The following GABPB1 variants were observed in gnomAD, a reference collection of about 807,000 sequenced individuals.
GABPB1 encodes the protein GA-binding protein subunit beta-1.
A neutral mutation model predicts 45.9 loss-of-function variants in GABPB1; 15 were observed. The observed-to-expected ratio is 0.33, with a 90% confidence interval of 0.22 to 0.50. GABPB1 has a LOEUF of 0.50. Among genes scored for constraint, GABPB1 ranks in the 20% least tolerant of loss-of-function variants. The pLI, the probability that GABPB1 is intolerant of heterozygous loss-of-function variation, is 0.98. For synonymous variants in GABPB1, 143 were observed against 154.4 expected, an observed-to-expected ratio of 0.93 and a Z score of 0.55; for missense variants, 252 against 457.5, an observed-to-expected ratio of 0.55 and a Z score of 4.10.
chr15:50,283,202 G>T (rs1316146626), intron 8 of GABPB1, among the ~76,000 whole-genome samples: 4 of 152,104 alleles, frequency 2.6e-5, no homozygotes, highest in African/African-American at 9.7e-5. Context: ...CATGTACAAA[G>T]ATTAATTTCA....
intron 8 of GABPB1, among the ~76,000 whole-genome samples, chr15:50,281,721 C>A (rs546854256): frequency 6.6e-6 from 1 of 152,298 alleles, no homozygotes; most frequent in South Asian, 2.1e-4. Context: ...AGTTGACAGA[C>A]TGTAGGGCCC....
intron 6 of GABPB1, among the ~76,000 whole-genome samples, chr15:50,294,971 G>A (rs2046464341): frequency 6.6e-6 from 1 of 151,932 alleles, no homozygotes; most frequent in South Asian, 2.1e-4. Context: ...GTACCACAAG[G>A]AAGAATAAAG....
chr15:50,296,613 C>T (rs188666984), intron 6 of GABPB1, among the ~76,000 whole-genome samples: 1 of 152,276 alleles, frequency 6.6e-6, no homozygotes, highest in Admixed American at 6.5e-5. Flanking sequence ...TACTTAATAG[C>T]CATATGCCCT....
chr15:50,281,369 GCTCA>G (rs2045966762), intron 8 of GABPB1, among the ~76,000 whole-genome samples: 1 of 136,940 alleles, frequency 7.3e-6, no homozygotes, highest in African/African-American at 2.4e-5. Flanking sequence ...ACGCCACCAT[GCTCA>G]GCTAATTTTT....
chr15:50,305,002 C>A (rs1424901662), intron 2 of GABPB1, among the ~76,000 whole-genome samples: 1 of 152,054 alleles, frequency 6.6e-6, no homozygotes, highest in African/African-American at 2.4e-5. Flanking sequence ...AAAACCAAAA[C>A]AGAGCCCAAT....
intron 1 of GABPB1, chr15:50,346,503 T>C (rs911657972): frequency 3.3e-5 from 5 of 151,742 alleles, no homozygotes; most frequent in Non-Finnish European, 7.4e-5. Flanking sequence ...ATCTAGTGCA[T>C]ACAGGAGTTA....
intron 6 of GABPB1, among the ~76,000 whole-genome samples, chr15:50,297,083 G>C (rs2046543627): frequency 1.3e-5 from 2 of 151,634 alleles, no homozygotes; most frequent in African/African-American, 2.4e-5. Flanking sequence ...GCTAATGTTT[G>C]TATTTTTAGT....
intron 2 of GABPB1, among the ~76,000 whole-genome samples, chr15:50,308,022 C>G (rs1213675617): frequency 6.6e-6 from 1 of 150,678 alleles, no homozygotes; most frequent in Non-Finnish European, 1.5e-5. Flanking sequence ...TTTTTCATAC[C>G]TTTCAGTTTA....
Position 50,300,647 on chromosome 15 carries a change from G to T in GABPB1, c.697+142C>A, listed in dbSNP as rs2046706622. 4 of 566,878 alleles carry T rather than the reference G, an allele frequency of 7.1e-6. No individual in the cohort carries two copies. In the South Asian group the frequency reaches 8.3e-5, roughly 12 times the overall value. The allele number at this position is 566,878 out of a possible 1,614,324, so 35.1% of individuals were successfully genotyped here. On this transcript the variant is annotated intron_variant, in intron 6 of 8. Coordinates refer to ENST00000380877, the MANE Select transcript of GABPB1 (RefSeq NM_016654.5). ...TTTAGTAGAAACAGAGTTTCACTAT[G>T]TTGTCCAGGCTGGTCTCAAACTCCT...
intron 1 of GABPB1, among the ~76,000 whole-genome samples, chr15:50,329,305 G>A (rs529683919): frequency 2.0e-5 from 3 of 152,162 alleles, no homozygotes; most frequent in African/African-American, 7.2e-5. Context: ...ATTAAGAAAT[G>A]TATATTATAA....
At chr15:50,345,546 T>C (rs1272313926) in intron 1 of GABPB1, among the ~76,000 whole-genome samples, 1 of 152,160 alleles carries the variant, frequency 6.6e-6, no homozygotes, top group East Asian at 1.9e-4. Context: ...GGCAACACAG[T>C]GAGACCCTGT....
chr15:50,340,303 C>T (rs879396510), intron 1 of GABPB1, among the ~76,000 whole-genome samples: 3 of 151,996 alleles, frequency 2.0e-5, no homozygotes, highest in Non-Finnish European at 4.4e-5. Context: ...GTTATAGTAC[C>T]CCAAATGGAC....
At chr15:50,310,861 C>G (rs930948657) in intron 1 of GABPB1, among the ~76,000 whole-genome samples, 6 of 151,738 alleles carry the variant, frequency 4.0e-5, no homozygotes, top group Admixed American at 6.6e-5. Flanking sequence ...CCTAGGGTCC[C>G]AGCTACTCAG....
intron 3 of GABPB1, among the ~76,000 whole-genome samples, chr15:50,303,747 A>G (rs1243794914): frequency 6.6e-6 from 1 of 152,044 alleles, no homozygotes; most frequent in Non-Finnish European, 1.5e-5. Flanking sequence ...AGGTCCAAGA[A>G]ATCAATTAGC....
chr15:50,310,652 A>G (rs1441446684), intron 1 of GABPB1, among the ~76,000 whole-genome samples: 1 of 152,194 alleles, frequency 6.6e-6, no homozygotes, highest in Non-Finnish European at 1.5e-5. Context: ...AAAATACTAA[A>G]AACAGTAATA....
Position 50,355,164 on chromosome 15 carries a change from C to A in GABPB1, c.-180G>T, listed in dbSNP as rs374750869. 1 of 153,306 alleles carries A rather than the reference C, an allele frequency of 6.5e-6. No individual in the cohort carries two copies. The highest frequency in any genetic ancestry group is 2.0e-4 in the South Asian group (1 of 5,056). The allele number at this position is 153,306 out of a possible 1,614,324, so 9.5% of individuals were successfully genotyped here. Reference sequence around the variant, plus strand: ...GCGCCCAAAATCCCCACCGAAAAGTCCCCCGTGCTGCGCGCGGAGGGACAC... The same window carrying A: ...GCGCCCAAAATCCCCACCGAAAAGTACCCCGTGCTGCGCGCGGAGGGACAC... On this transcript the variant is annotated 5_prime_UTR_variant, in exon 1 of 9. Transcript: ENST00000380877.
At chr15:50,298,888 G>T (rs1405565106) in intron 6 of GABPB1, among the ~76,000 whole-genome samples, 1 of 150,484 alleles carries the variant, frequency 6.6e-6, no homozygotes, top group East Asian at 1.9e-4. Flanking sequence ...GGAGATGGAG[G>T]CTGCAGTGAG....
chr15:50,293,119 G>A (rs966878053), intron 6 of GABPB1, among the ~76,000 whole-genome samples: 2 of 133,826 alleles, frequency 1.5e-5, no homozygotes, highest in African/African-American at 5.2e-5. Context: ...TACAAAAAGT[G>A]TAATTAAATA....
At chr15:50,281,501 G>A (rs916643424) in intron 8 of GABPB1, among the ~76,000 whole-genome samples, 4 of 152,300 alleles carry the variant, frequency 2.6e-5, no homozygotes, top group South Asian at 2.1e-4. Context: ...GTGAGCCACT[G>A]CGCCCGGCCT....
Sources: allele counts gnomAD v4.1 joint callset (sites outside exome capture counted in the v4.1 genomes callset), GRCh38; gene constraint gnomAD v4.1.1; transcripts MANE v1.5; gene names NCBI Gene and HGNC (gene_info 2026-07-23, HGNC 2026-07-21).